GPRASP1: variants seen among roughly 807,000 people sequenced by gnomAD.
GPRASP1 encodes G protein-coupled receptor associated sorting protein 1.
Under a neutral mutation model 68.4 loss-of-function variants are expected in GPRASP1, and 28 were observed. The observed-to-expected ratio is 0.41, with a 90% CI of 0.30 to 0.56. GPRASP1 has a LOEUF of 0.56. GPRASP1 is among the 20% of genes least tolerant of loss of function. The pLI is 0.29. For missense variants in GPRASP1, 913 were observed against 1,031.5 expected, an observed-to-expected ratio of 0.89 and a Z score of 1.57; for synonymous variants, 304 against 358.2, an observed-to-expected ratio of 0.85 and a Z score of 1.71.
chrX:102,655,397 A>G lies in GPRASP1; in HGVS notation c.1484A>G (p.Gln495Arg), dbSNP rs1569484616. ...SESILAADDE[Q>R]VIIGSWFWAG... The stretch of plus-strand genomic sequence containing the variant: ...TCTATACTAGCAGCTGATGATGAAC[A>G]GGTCATTATTGGTTCCTGGTTCTGG... The change falls in exon 6 of 6, where the codon CAG becomes CGG. Residue 495 changes from glutamine (Q) to arginine (R), a missense_variant. Physicochemically the swap from Gln to Arg is conservative, Grantham distance 43. Transcript: ENST00000537097. 1.7e-6 allele frequency: 2 copies of G among 1,211,871 alleles called. No homozygotes were observed. The highest frequency in any genetic ancestry group is 5.9e-5 in the East Asian group (2 of 33,855).
rs370978046 is a variant in GPRASP1 at position 102,657,743 on chromosome X, A to G, written c.3830A>G (p.Tyr1277Cys). 1.7e-6 allele frequency: 2 copies of G among 1,202,759 alleles called. No individual in the cohort carries two copies. Among genetic ancestry groups the G allele is most frequent in the African/African-American group, 3.5e-5 (2 of 57,162 alleles). The change falls in exon 6 of 6, where the codon TAT (tyrosine) becomes TGT (cysteine). Residue 1277 changes from tyrosine to cysteine, a missense_variant. By Grantham distance (194) the Tyr-to-Cys change is radical. Coordinates refer to ENST00000537097, the MANE Select transcript of GPRASP1 (RefSeq NM_001184727.2). ...TTDYHTLVAN[Y>C]MSGFLSLLAT... ...GACTATCACACACTGGTTGCCAATTATATGTCTGGGTTTCTCTCCTTATTA... is the reference window on the plus strand; with the variant it reads ...GACTATCACACACTGGTTGCCAATTGTATGTCTGGGTTTCTCTCCTTATTA...
At position 102,658,632 on chromosome X, in the gene GPRASP1, G is replaced by C. The variant is rs2081440524; in HGVS notation, c.*531G>C. On this transcript the variant is annotated 3_prime_UTR_variant, in exon 6 of 6. Coordinates refer to ENST00000537097, the MANE Select transcript of GPRASP1 (RefSeq NM_001184727.2). ...ACTTCAGAGAAAAAGTAGCTACTTC[G>C]GTTGGACTCTGAAGTTTGGGAAAGA... 1 of 119,012 alleles carries C rather than the reference G, an allele frequency of 8.4e-6. No homozygotes were observed. The highest frequency in any genetic ancestry group is 1.9e-5 in the Non-Finnish European group (1 of 52,431). 9.8% of individuals were successfully genotyped at this position (119,012 alleles called of 1,213,427 possible). A position where few individuals can be genotyped will look rare whatever the true frequency, so the allele number is the denominator to read the frequency against.
chrX:102,655,578 G>A lies in GPRASP1; in HGVS notation c.1665G>A (p.Trp555Ter), dbSNP rs748003624. The change falls in exon 6 of 6, where the codon TGG becomes TGA. Residue 555 changes from tryptophan to a stop codon, truncating the protein, a stop_gained. Coordinates refer to ENST00000537097, the MANE Select transcript of GPRASP1 (RefSeq NM_001184727.2). LOFTEE classifies it high-confidence loss of function. ...AAGAGGTCATTGGTCCCTGGTTTTG[G>A]TCTGGAGAACAAGTTGATATAGAGG... Reference protein sequence around the residue: ...EEEEVIGPWFWSGEQVDIEAG... With the variant: ...EEEEVIGPWF 3.3e-6 allele frequency: 4 copies of A among 1,209,020 alleles called. No homozygotes were observed. The highest frequency in any genetic ancestry group is 4.5e-6 in the Non-Finnish European group (4 of 894,735).
At chrX:102,652,119 G>A (rs1047723498) in intron 2 of GPRASP1, 56 bp from the exon 3 acceptor site, 1 of 112,954 alleles carries the variant, frequency 8.9e-6, no homozygotes, top group African/African-American at 3.2e-5. Context: ...CCGTGTCCTG[G>A]GTGCTGTCCC....
At position 102,656,316 on chromosome X, in the gene GPRASP1, C is replaced by T; in HGVS notation, c.2403C>T (p.Asp801=). ...CAGCTGCTGAGACTAGAGAAGAAGA[C>T]AGGCTAGCAGCTGAGAAAGAAGGTA... The part of the protein sequence containing the change: ...LEPAAETREE[D]RLAAEKEGIV... The change falls in exon 6 of 6, where the codon GAC becomes GAT. Residue 801 remains aspartate, a synonymous_variant. Coordinates refer to ENST00000537097, the MANE Select transcript of GPRASP1 (RefSeq NM_001184727.2). The T allele has an allele frequency of 1.7e-6, 2 of 1,193,781 alleles. No homozygotes were observed. The highest frequency in any genetic ancestry group is 3.7e-5 in the South Asian group (2 of 53,572).
In GPRASP1 at chrX:102,654,706, G is replaced by A. The variant is rs751674165; in HGVS notation, c.793G>A (p.Ala265Thr). The change falls in exon 6 of 6, where the codon GCC becomes ACC. Residue 265 changes from alanine to threonine, a missense_variant. Physicochemically the swap from Ala to Thr is moderately conservative, Grantham distance 58. Coordinates refer to ENST00000537097, the MANE Select transcript of GPRASP1 (RefSeq NM_001184727.2). ...DESVKTPWFW[A>T]RDKTNTWSGP... ...GTCTGTTAAGACACCCTGGTTCTGG[G>A]CCAGAGATAAAACCAATACCTGGTC... 6.9e-5 allele frequency: 84 copies of A among 1,209,540 alleles called. No homozygotes were observed. The highest frequency in any genetic ancestry group is 1.1e-6 in the Non-Finnish European group (1 of 894,702).
In GPRASP1 at chrX:102,657,106, ATAAG is replaced by A. The variant is rs758301949; in HGVS notation, c.3194_3197del (p.Ile1065ThrfsTer84). 2 of 1,210,113 alleles carry A rather than the reference ATAAG, an allele frequency of 1.7e-6. No homozygotes were observed. Among genetic ancestry groups the A allele is most frequent in the Non-Finnish European group, 2.2e-6 (2 of 894,005 alleles). ...ATGGGGTAGGGTCGGCTTCCCATCT[ATAAG>A]CCCCTTTAGATTTCCGAAAGAGGCA... On this transcript the variant is annotated frameshift_variant, in exon 6 of 6. Transcript: ENST00000537097. LOFTEE classifies it high-confidence loss of function.
In GPRASP1 at chrX:102,654,824, A is replaced by C. The variant is rs1238796765; in HGVS notation, c.911A>C (p.His304Pro). 1.7e-6 allele frequency: 2 copies of C among 1,211,662 alleles called. No homozygotes were observed. The highest frequency in any genetic ancestry group is 4.3e-5 in the Admixed American group (2 of 46,094). The part of the protein sequence containing the change: ...ESSSGSEHED[H>P]LESWFGAGKE... The stretch of plus-strand genomic sequence containing the variant: ...AGTTCTGGATCTGAGCATGAAGACC[A>C]TTTGGAGTCCTGGTTTGGGGCTGGA... Residue 304 changes from histidine (H) to proline (P), a missense_variant, in exon 6 of 6, where the codon CAT (histidine) becomes CCT (proline). By Grantham distance (77) the His-to-Pro change is moderately conservative (BLOSUM62 -2). Transcript: ENST00000537097.
rs1465190440 is a variant in GPRASP1, at chrX:102,658,735, A to G, written c.*634A>G. On this transcript the variant is annotated 3_prime_UTR_variant, in exon 6 of 6. Transcript: ENST00000537097. ...TGGGAGTGAGGTATCCTGTTTGCCT[A>G]GAGTGAGTGAGAGGAATATATTGAG... is the stretch of plus-strand genomic sequence containing the variant. The G allele has an allele frequency of 2.5e-5, 3 of 121,633 alleles. No homozygotes were observed. The highest frequency in any genetic ancestry group is 9.9e-5 in the African/African-American group (3 of 30,310). The allele number at this position is 121,633 out of a possible 1,213,427, so 10.0% of individuals were successfully genotyped here.
In GPRASP1 at chrX:102,652,447, T is replaced by A. The variant is rs778404542; in HGVS notation, c.-481+182T>A. ...CCCCCACCGTCCTAAACTGGGGGCT[T>A]GAAAGGGTGAGCTTTGGAGGTAGGG... On this transcript the variant is annotated intron_variant, in intron 3 of 5. Coordinates refer to ENST00000537097, the MANE Select transcript of GPRASP1 (RefSeq NM_001184727.2). Among the ~76,000 whole-genome samples the A allele has an allele frequency of 3.6e-5, 4 of 112,316 alleles. No individual in the cohort carries two copies. The East Asian group carries it at 1.1e-3, about 32-fold the overall frequency.
chrX:102,658,023 C>T lies in GPRASP1; in HGVS notation c.4110C>T (p.His1370=). ...TTGAGCCGCTTATTTCTGCATTCCA[C>T]AAAGTTGAGAAATTTGCTAAGGAAC... ...FNIEPLISAF[H]KVEKFAKELQ... is the part of the protein sequence containing the mutation. Residue 1370 remains histidine, a synonymous_variant, in exon 6 of 6, where the codon CAC becomes CAT. Transcript: ENST00000537097. 4.2e-6 allele frequency: 5 copies of T among 1,201,864 alleles called. No individual in the cohort carries two copies. The highest frequency in any genetic ancestry group is 5.6e-6 in the Non-Finnish European group (5 of 887,485).
rs747292213 is a variant in GPRASP1 at position 102,655,612 on chromosome X, G to A, written c.1699G>A (p.Gly567Arg). ...GEQVDIEAGI[G>R]EEARPGAEEE... is the part of the protein sequence containing the mutation. Reference sequence around the variant, plus strand: ...ACAAGTTGATATAGAGGCTGGAATCGGAGAAGAGGCCAGGCCAGGAGCTGA... The same window carrying A: ...ACAAGTTGATATAGAGGCTGGAATCAGAGAAGAGGCCAGGCCAGGAGCTGA... The change falls in exon 6 of 6, where the codon GGA becomes AGA. Residue 567 changes from glycine to arginine, a missense_variant. By Grantham distance (125) the Gly-to-Arg change is moderately radical. Transcript: ENST00000537097. 5.8e-6 allele frequency: 7 copies of A among 1,209,181 alleles called. No homozygotes were observed. In the Admixed American group the frequency reaches 1.3e-4, roughly 23 times the overall value.
rs970282388 is a variant in GPRASP1, at chrX:102,652,840, A to C, written c.-471A>C. ...ATCTGTTTGTCCATAGGCCTGCTTTAAGGCTGGCCAGTTCTGCAAGAAAGG... is the reference window on the plus strand; with the variant it reads ...ATCTGTTTGTCCATAGGCCTGCTTTCAGGCTGGCCAGTTCTGCAAGAAAGG... On this transcript the variant is annotated 5_prime_UTR_variant, in exon 4 of 6. Transcript: ENST00000537097. The C allele has an allele frequency of 3.6e-5, 4 of 111,816 alleles. No homozygotes were observed. The highest frequency in any genetic ancestry group is 1.3e-4 in the African/African-American group (4 of 30,736). 9.2% of individuals were successfully genotyped at this position (111,816 alleles called of 1,213,427 possible). A position where few individuals can be genotyped will look rare whatever the true frequency, so the allele number is the denominator to read the frequency against.
In GPRASP1 at chrX:102,656,764, A is replaced by T; in HGVS notation, c.2851A>T (p.Thr951Ser). ...FWSRDKAIKE[T>S]GTVATCESKP... Reference sequence around the variant, plus strand: ...GTCTAGAGACAAAGCCATTAAGGAAACTGGAACTGTGGCCACCTGTGAGTC... The same window carrying T: ...GTCTAGAGACAAAGCCATTAAGGAATCTGGAACTGTGGCCACCTGTGAGTC... Residue 951 changes from threonine (T) to serine (S), a missense_variant, in exon 6 of 6, where the codon ACT becomes TCT. By Grantham distance (58) the Thr-to-Ser change is moderately conservative. Coordinates refer to ENST00000537097, the MANE Select transcript of GPRASP1 (RefSeq NM_001184727.2). 1 of 1,210,636 alleles carries T rather than the reference A, an allele frequency of 8.3e-7. No homozygotes were observed. Among genetic ancestry groups the T allele is most frequent in the Non-Finnish European group, 1.1e-6 (1 of 894,590 alleles).
At position 102,658,088 on chromosome X, in the gene GPRASP1, AC is replaced by A. The variant is rs1569485159; in HGVS notation, c.4177del (p.Gln1393LysfsTer7). 5 of 1,076,442 alleles carry A rather than the reference AC, an allele frequency of 4.6e-6. No homozygotes were observed. The highest frequency in any genetic ancestry group is 6.4e-6 in the Non-Finnish European group (5 of 786,089). The allele number at this position is 1,076,442 out of a possible 1,213,427, so 88.7% of individuals were successfully genotyped here. On this transcript the variant is annotated frameshift_variant, in exon 6 of 6. Coordinates refer to ENST00000537097, the MANE Select transcript of GPRASP1 (RefSeq NM_001184727.2). LOFTEE classifies it high-confidence loss of function. Reference protein sequence around the residue: ...KTDNQNDPEGDQEN With the variant: ...KTDNQNDPEGXQEN ...GACAATCAAAATGACCCTGAAGGGGACCAAGAAAATTAGTAATGGTTAATTG... is the reference window on the plus strand; with the variant it reads ...GACAATCAAAATGACCCTGAAGGGGACAAGAAAATTAGTAATGGTTAATTG...
At chrX:102,653,122 T>A (rs1052899918) in intron 4 of GPRASP1, 99 bp from the exon 5 acceptor site, 1 of 111,749 alleles carries the variant, frequency 8.9e-6, no homozygotes, top group Admixed American at 9.4e-5. Context: ...CATAGATACA[T>A]TGAACCCTTG....
Position 102,653,227 on chromosome X carries a change from C to G in GPRASP1, c.-406C>G, listed in dbSNP as rs1255575503. The G allele has an allele frequency of 9.0e-6, 1 of 111,626 alleles. No individual in the cohort carries two copies. The highest frequency in any genetic ancestry group is 9.5e-5 in the Admixed American group (1 of 10,549). 9.2% of individuals were successfully genotyped at this position (111,626 alleles called of 1,213,427 possible). A position where few individuals can be genotyped will look rare whatever the true frequency, so the allele number is the denominator to read the frequency against. ...TATGTTTACTTGTCTGTAGGACCCC[C>G]TTCTGTCAGCTGTGGGGCTTGACAC... On this transcript the variant is annotated 5_prime_UTR_variant, in exon 5 of 6. Transcript: ENST00000537097.
In GPRASP1 at chrX:102,656,552, G is replaced by T; in HGVS notation, c.2639G>T (p.Trp880Leu). ...EEEITVGSWFWPEEEASIQAG... is the reference protein window; with the variant it reads ...EEEITVGSWFLPEEEASIQAG... ...GAAATCACTGTTGGGTCCTGGTTCT[G>T]GCCTGAAGAAGAAGCCAGTATACAG... The change falls in exon 6 of 6, where the codon TGG becomes TTG. Residue 880 changes from tryptophan (W) to leucine (L), a missense_variant. Transcript: ENST00000537097. 1 of 1,210,907 alleles carries T rather than the reference G, an allele frequency of 8.3e-7. No homozygotes were observed. Among genetic ancestry groups the T allele is most frequent in the Non-Finnish European group, 1.1e-6 (1 of 894,990 alleles).
chrX:102,656,572 A>G lies in GPRASP1; in HGVS notation c.2659A>G (p.Ile887Val), dbSNP rs1195389603. The G allele has an allele frequency of 8.3e-7, 1 of 1,210,180 alleles. No homozygotes were observed. ...SWFWPEEEAS[I>V]QAGSQAVEEM... ...GTTCTGGCCTGAAGAAGAAGCCAGT[A>G]TACAGGCTGGATCTCAGGCAGTAGA... The change falls in exon 6 of 6, where the codon ATA becomes GTA. Residue 887 changes from isoleucine to valine, a missense_variant. Physicochemically the swap from Ile to Val is conservative, Grantham distance 29. Coordinates refer to ENST00000537097, the MANE Select transcript of GPRASP1 (RefSeq NM_001184727.2).
Sources: allele counts gnomAD v4.1 joint callset (sites outside exome capture counted in the v4.1 genomes callset), GRCh38; gene constraint gnomAD v4.1.1; transcripts MANE v1.5; gene names NCBI Gene and HGNC (gene_info 2026-07-23, HGNC 2026-07-21).